Variants in UBE2D3 observed in about 807,000 individuals in gnomAD.
UBE2D3 encodes ubiquitin conjugating enzyme E2 D3, also known as ubiquitin-conjugating enzyme E2 D3.
Under a neutral mutation model 22.8 loss-of-function variants are expected in UBE2D3, and 2 were observed. The ratio of observed to expected loss-of-function variants is 0.09; its 90% CI spans 0.04 to 0.28. The LOEUF (loss-of-function observed/expected upper bound fraction) is 0.28, where lower values mean the gene tolerates loss of function less well. Ranked by LOEUF, UBE2D3 falls within the 10% of genes least tolerant of loss-of-function variation. The pLI is 1.00. For missense variants in UBE2D3, 27 were observed against 182.5 expected (o/e 0.15, Z 4.91); for synonymous variants, 56 against 60.4 (o/e 0.93, Z 0.34).
chr4:102,823,447 T>A (rs1226065591), intron 2 of UBE2D3, among the ~76,000 whole-genome samples: 5 of 152,240 alleles, frequency 3.3e-5, no homozygotes, highest in Admixed American at 2.6e-4. Flanking sequence ...TGCTAGCCGC[T>A]TGCTTATAAT....
intron 1 of UBE2D3, among the ~76,000 whole-genome samples, chr4:102,866,330 A>G (rs995935217): frequency 6.6e-6 from 1 of 152,250 alleles, no homozygotes; most frequent in Non-Finnish European, 1.5e-5. Flanking sequence ...CTATTCACAT[A>G]AACTGCTAAG....
rs771833275 is a variant in UBE2D3 at position 102,797,483 on chromosome 4, T to C, written c.399-23A>G. On this transcript the variant is annotated intron_variant, in intron 7 of 7. Transcript: ENST00000453744. ...TACCTGTAAATAAAGATGTTATTTTTAAAAGTTAAAATAAAGAATTCCTAA... is the reference window on the plus strand; with the variant it reads ...TACCTGTAAATAAAGATGTTATTTTCAAAAGTTAAAATAAAGAATTCCTAA... The C allele has an allele frequency of 6.4e-6, 10 of 1,570,896 alleles. No individual in the cohort carries two copies. The South Asian group carries it at 1.1e-4, about 18-fold the overall frequency.
chr4:102,826,705 T>C, intron 1 of UBE2D3, 69 bp from the exon 2 acceptor site: 6 of 1,450,124 alleles, frequency 4.1e-6, no homozygotes, highest in African/African-American at 1.4e-5. Context: ...TCCAGGTCCC[T>C]TAAGACAGCC....
chr4:102,825,568 G>C, intron 2 of UBE2D3: 1 of 1,194,322 alleles, frequency 8.4e-7, no homozygotes. Context: ...GCAAGAAAAT[G>C]AGACTAAACC....
At position 102,800,234 on chromosome 4, in the gene UBE2D3, T is replaced by TA. The variant is rs534707497; in HGVS notation, c.305-735dup. On this transcript the variant is annotated intron_variant, in intron 6 of 7. Coordinates refer to ENST00000453744, the MANE Select transcript of UBE2D3 (RefSeq NM_181891.3). ...GAAATGGTTCTGACCGATTTTTTTTTAAAAAAAGCAATAGTATAAAAAAGA... is the reference window on the plus strand; with the variant it reads ...GAAATGGTTCTGACCGATTTTTTTTTAAAAAAAAGCAATAGTATAAAAAAGA... Among the ~76,000 whole-genome samples, 862 of 151,876 alleles carry TA rather than the reference T, an allele frequency of 5.7e-3. 6 individuals are homozygous for TA. The highest frequency in any genetic ancestry group is 9.5e-3 in the Non-Finnish European group (648 of 67,854).
rs542747878 is a variant in UBE2D3 at position 102,868,849 on chromosome 4, G to A, written c.-263C>T. On this transcript the variant is annotated 5_prime_UTR_variant, in exon 1 of 8. Transcript: ENST00000338145. ...GGGCCACCTTCACACGAGATTCCGA[G>A]GAGGGCCTCGCTACCCGCCAGTTCC... The A allele has an allele frequency of 1.4e-5, 21 of 1,552,934 alleles. No homozygotes were observed. In the African/African-American group the frequency reaches 2.7e-4, roughly 20 times the overall value.
In UBE2D3 at chr4:102,832,890, C is replaced by G. The variant is rs944928799; in HGVS notation, c.-128-6254G>C. Among the ~76,000 whole-genome samples the G allele has an allele frequency of 2.4e-4, 36 of 151,434 alleles. 1 individual carries two copies. The highest frequency in any genetic ancestry group is 4.4e-4 in the Non-Finnish European group (30 of 67,914). On this transcript the variant is annotated intron_variant, in intron 1 of 7. Coordinates refer to the UBE2D3 transcript ENST00000338145. ...GCATGTGCCTGTGGTCCCAGCTGCT[C>G]TGGAAGCTGAGGTGGGAGGATCCCT...
At chr4:102,809,516 CATT>C in intron 4 of UBE2D3, 153 bp downstream of exon 4, 2 of 783,514 alleles carry the variant, frequency 2.6e-6, no homozygotes, top group Non-Finnish European at 2.0e-6. Flanking sequence ...ATGACTAACT[CATT>C]ATGTTTTTTC....
rs151339235 is a variant in UBE2D3, at chr4:102,853,135, ATTTTT to A, written c.-129+15575_-129+15579del. On this transcript the variant is annotated intron_variant, in intron 1 of 7. Coordinates refer to the UBE2D3 transcript ENST00000338145. ...GTCAAAATTACACACAAACACACAC[ATTTTT>A]TTTTTTTTTTTTTTTTTTTTGAGAC... 4.5e-5 allele frequency among the ~76,000 whole-genome samples: 4 copies of A among 88,606 alleles called. 2 individuals carry two copies. The highest frequency in any genetic ancestry group is 6.8e-4 in the East Asian group (2 of 2,928). 58.1% of individuals were successfully genotyped at this position (88,606 alleles called of 152,430 possible). A position where few individuals can be genotyped will look rare whatever the true frequency, so the allele number is the denominator to read the frequency against.
intron 2 of UBE2D3, chr4:102,811,040 T>G (rs1727913005): frequency 7.4e-6 from 1 of 135,188 alleles, no homozygotes; most frequent in Non-Finnish European, 1.6e-5. Flanking sequence ...AAGGGTAAGG[T>G]TTGGGATTCC....
At chr4:102,842,649 CCAAA>C (rs1354377488) in intron 1 of UBE2D3, among the ~76,000 whole-genome samples, 1 of 152,110 alleles carries the variant, frequency 6.6e-6, no homozygotes, top group Admixed American at 6.6e-5. Context: ...TAGACCAAAA[CCAAA>C]CAAACACCCC....
intron 1 of UBE2D3, chr4:102,826,986 G>A: frequency 2.0e-5 from 20 of 997,786 alleles, no homozygotes; most frequent in Non-Finnish European, 2.4e-5. Flanking sequence ...GAAAGGCAAG[G>A]GGGGAGGGGG....
At chr4:102,817,413 TTC>T (rs1728924682) in intron 2 of UBE2D3, among the ~76,000 whole-genome samples, 2 of 152,216 alleles carry the variant, frequency 1.3e-5, no homozygotes, top group African/African-American at 2.4e-5. Flanking sequence ...AGAGCTCATC[TTC>T]TCTGTTTTAC....
At chr4:102,826,670 C>T in intron 1 of UBE2D3, 34 bp from the exon 2 acceptor site, 3 of 1,523,680 alleles carry the variant, frequency 2.0e-6, no homozygotes, top group Non-Finnish European at 1.7e-6. Flanking sequence ...AGCACTCGCA[C>T]AGGCCCCGAA....
intron 4 of UBE2D3, among the ~76,000 whole-genome samples, chr4:102,808,034 G>A (rs1331891464): frequency 1.3e-5 from 2 of 152,176 alleles, no homozygotes; most frequent in Non-Finnish European, 2.9e-5. Flanking sequence ...AATCAAAGAT[G>A]AGCTTTATTT....
intron 2 of UBE2D3, among the ~76,000 whole-genome samples, chr4:102,824,989 C>T: frequency 6.6e-6 from 1 of 152,220 alleles, no homozygotes; most frequent in East Asian, 1.9e-4. Flanking sequence ...TTGTATTTCG[C>T]ATAACCCAAA....
intron 1 of UBE2D3, among the ~76,000 whole-genome samples, chr4:102,849,535 A>G (rs1291928878): frequency 6.6e-6 from 1 of 152,132 alleles, no homozygotes; most frequent in Non-Finnish European, 1.5e-5. Flanking sequence ...ATTCCTAAAA[A>G]TCAGTAAGAA....
rs1229887927 is a variant in UBE2D3 at position 102,796,413 on chromosome 4, G to C, written c.*1002C>G. On this transcript the variant is annotated 3_prime_UTR_variant, in exon 8 of 8. Transcript: ENST00000453744. Reference sequence around the variant, plus strand: ...CTGCATAAATCAGGTCAAGCAATGTGTCAACCTGTAACAGACTGTGCACTT... The same window carrying C: ...CTGCATAAATCAGGTCAAGCAATGTCTCAACCTGTAACAGACTGTGCACTT... 3.3e-5 allele frequency: 5 copies of C among 152,388 alleles called. No homozygotes were observed. The highest frequency in any genetic ancestry group is 4.8e-5 in the African/African-American group (2 of 41,430). The allele number at this position is 152,388 out of a possible 1,614,324, so 9.4% of individuals were successfully genotyped here.
At position 102,797,150 on chromosome 4, in the gene UBE2D3, A is replaced by AT. The variant is rs968687986; in HGVS notation, c.*264dup. On this transcript the variant is annotated 3_prime_UTR_variant, in exon 8 of 8. Transcript: ENST00000453744. ...ATTGGCCACATAATACACATGCTCC[A>AT]TTTTTTTTTTTAAAAATTCTGAGTC... is the stretch of plus-strand genomic sequence containing the variant. 0.013 allele frequency: 4,109 copies of AT among 309,416 alleles called. 2 individuals carry two copies. Among genetic ancestry groups the AT allele is most frequent in the East Asian group, 0.02 (359 of 17,938 alleles). The allele number at this position is 309,416 out of a possible 1,614,324, so 19.2% of individuals were successfully genotyped here.
Sources: gnomAD v4.1 joint callset for allele counts (sites outside exome capture counted in the v4.1 genomes callset) on GRCh38, gnomAD v4.1.1 for gene constraint, MANE v1.5 for transcripts, NCBI Gene and HGNC (gene_info 2026-07-23, HGNC 2026-07-21) for gene names.